The following DPYD variants were observed in gnomAD, a reference collection of about 807,000 sequenced individuals.
DPYD encodes the protein dihydropyrimidine dehydrogenase.
DPYD carries 109 observed loss-of-function variants against 116.2 expected under a neutral mutation model. That is an observed-to-expected ratio of 0.94 (90% CI 0.80 to 1.10). The LOEUF (loss-of-function observed/expected upper bound fraction) is 1.10, where lower values mean the gene tolerates loss of function less well. Ranked by LOEUF, DPYD falls within the 50% of genes least tolerant of loss-of-function variation. The pLI is 0.00. For synonymous variants in DPYD, 440 were observed against 432.0 expected, an observed-to-expected ratio of 1.02 and a Z score of -0.23; for missense variants, 1,302 against 1,254.5, an observed-to-expected ratio of 1.04 and a Z score of -0.57.
intron 20 of DPYD, among the ~76,000 whole-genome samples, chr1:97,136,042 C>T (rs1293301680): frequency 3.9e-5 from 6 of 152,180 alleles, no homozygotes; most frequent in Non-Finnish European, 8.8e-5. Context: ...GAGTTACTAT[C>T]ATTCCCAGAA....
chr1:97,496,192 C>A (rs1482321818), intron 13 of DPYD, among the ~76,000 whole-genome samples: 1 of 152,050 alleles, frequency 6.6e-6, no homozygotes, highest in Non-Finnish European at 1.5e-5. Flanking sequence ...CTACTTTACT[C>A]TCTTTTATAC....
intron 19 of DPYD, among the ~76,000 whole-genome samples, chr1:97,195,190 C>T (rs1271887900): frequency 6.6e-6 from 1 of 152,034 alleles, no homozygotes; most frequent in Non-Finnish European, 1.5e-5. Context: ...AATGAAACAA[C>T]CATTAAAACA....
chr1:97,565,879 A>G (rs1275009457), intron 11 of DPYD, among the ~76,000 whole-genome samples: 1 of 152,226 alleles, frequency 6.6e-6, no homozygotes, highest in Non-Finnish European at 1.5e-5. Context: ...TTAGAAATAC[A>G]AATGAAAAAT....
intron 3 of DPYD, among the ~76,000 whole-genome samples, chr1:97,742,747 A>G (rs1664337364): frequency 6.6e-6 from 1 of 152,158 alleles, no homozygotes; most frequent in South Asian, 2.1e-4. Flanking sequence ...AGTGGTTTGA[A>G]AGGATTTTCT....
chr1:97,264,162 G>GTTTTTTTTTT (rs71071641), intron 18 of DPYD, among the ~76,000 whole-genome samples: 3 of 60,076 alleles, frequency 5.0e-5, no homozygotes, highest in African/African-American at 4.9e-5. Flanking sequence ...GCAAAATTCT[G>GTTTTTTTTTT]TTTTTTTTTT....
intron 11 of DPYD, among the ~76,000 whole-genome samples, chr1:97,563,531 T>C (rs1373996795): frequency 6.6e-6 from 1 of 152,196 alleles, no homozygotes; most frequent in African/African-American, 2.4e-5. Context: ...TTGTATGTAA[T>C]CTTCAATTTG....
intron 14 of DPYD, among the ~76,000 whole-genome samples, chr1:97,408,259 C>T (rs1340704460): frequency 6.6e-6 from 1 of 152,140 alleles, no homozygotes; most frequent in African/African-American, 2.4e-5. Context: ...AGAAGGCAGT[C>T]ATCAATACCA....
At chr1:97,767,755 C>CATT (rs1553236054) in intron 3 of DPYD, among the ~76,000 whole-genome samples, 28 of 112,454 alleles carry the variant, frequency 2.5e-4, no homozygotes, top group Non-Finnish European at 3.8e-4. Context: ...TTGGGGCTGG[C>CATT]TTTTTTTTTT....
intron 3 of DPYD, among the ~76,000 whole-genome samples, chr1:97,814,939 A>AAGAAAGGAAGGAG (rs60906136): frequency 2.9e-5 from 3 of 102,672 alleles, no homozygotes; most frequent in African/African-American, 5.8e-5. Flanking sequence ...AGAGGAAAGA[A>AAGAAAGGAAGGAG]AGAAAGAAAG....
rs937755002 is a variant in DPYD, at chr1:97,679,305, C to A, written c.763-123G>T. ...CTATGAGATTCCATATAAAATGTGACAACATTTTTGTCTTTTAGTATATAG... is the reference window on the plus strand; with the variant it reads ...CTATGAGATTCCATATAAAATGTGAAAACATTTTTGTCTTTTAGTATATAG... On this transcript the variant is annotated intron_variant, in intron 7 of 22. Coordinates refer to ENST00000370192, the MANE Select transcript of DPYD (RefSeq NM_000110.4). 1.2e-5 allele frequency: 7 copies of A among 570,340 alleles called. No homozygotes were observed. In the East Asian group the frequency reaches 1.8e-4, roughly 15 times the overall value. The allele number at this position is 570,340 out of a possible 1,614,324, so 35.3% of individuals were successfully genotyped here.
At chr1:97,700,268 G>A (rs1404096200) in intron 5 of DPYD, 5 of 455,860 alleles carry the variant, frequency 1.1e-5, no homozygotes, top group South Asian at 6.2e-5. Flanking sequence ...AAACCAGAGA[G>A]ACACAGAGTT....
intron 3 of DPYD, among the ~76,000 whole-genome samples, chr1:97,795,675 G>A (rs1461120039): frequency 6.6e-6 from 1 of 151,478 alleles, no homozygotes; most frequent in African/African-American, 2.4e-5. Flanking sequence ...AAAAAATAAT[G>A]GACATACTAT....
intron 13 of DPYD, chr1:97,514,227 G>A (rs1648032600): frequency 2.0e-6 from 2 of 985,024 alleles, no homozygotes; most frequent in Non-Finnish European, 2.4e-6. Flanking sequence ...CTAGGTTACT[G>A]AAAGACACAG....
At chr1:97,851,277 G>A (rs1055301884) in intron 2 of DPYD, among the ~76,000 whole-genome samples, 1 of 128,462 alleles carries the variant, frequency 7.8e-6, no homozygotes, top group African/African-American at 3.0e-5. Context: ...TGTCACTTCT[G>A]TTGCCCTTTA....
At chr1:97,738,232 C>T (rs1664071895) in intron 4 of DPYD, among the ~76,000 whole-genome samples, 1 of 152,004 alleles carries the variant, frequency 6.6e-6, no homozygotes, top group Non-Finnish European at 1.5e-5. Flanking sequence ...AGAAATATAA[C>T]CCAGGATTCA....
rs1678681357 is a variant in DPYD, at chr1:97,487,087, A to AT, written c.1740+28638dup. ...AAGAAATAAAATGCTAAAACGATTAATTTTCTTAAACATGGATATTTATTT... is the reference window on the plus strand; with the variant it reads ...AAGAAATAAAATGCTAAAACGATTAATTTTTCTTAAACATGGATATTTATTT... On this transcript the variant is annotated intron_variant, in intron 13 of 22. Transcript: ENST00000370192. Among the ~76,000 whole-genome samples, 4 of 152,162 alleles carry AT rather than the reference A, an allele frequency of 2.6e-5. No individual in the cohort carries two copies. The South Asian group carries it at 8.3e-4, about 32-fold the overall frequency.
intron 20 of DPYD, among the ~76,000 whole-genome samples, chr1:97,191,492 T>C (rs1658361258): frequency 6.6e-6 from 1 of 152,168 alleles, no homozygotes; most frequent in Admixed American, 6.6e-5. Flanking sequence ...CTTACGATTT[T>C]GATGAAAGCT....
chr1:97,323,254 T>TTATATACATATGTGTATATGTACACGTA (rs1553254316), intron 16 of DPYD, among the ~76,000 whole-genome samples: 19 of 98,074 alleles, frequency 1.9e-4, no homozygotes, highest in Middle Eastern at 6.4e-3. Flanking sequence ...ATTTATATAC[T>TTATATACATATGTGTATATGTACACGTA]TATATACATA....
At chr1:97,623,812 A>T (rs553105422) in intron 8 of DPYD, among the ~76,000 whole-genome samples, 11 of 152,020 alleles carry the variant, frequency 7.2e-5, no homozygotes, top group Non-Finnish European at 1.5e-4. Context: ...AGAGTAGAGC[A>T]TCCAGAAATA....
Sources: allele counts gnomAD v4.1 joint callset (sites outside exome capture counted in the v4.1 genomes callset), GRCh38; gene constraint gnomAD v4.1.1; transcripts MANE v1.5; gene names NCBI Gene and HGNC (gene_info 2026-07-23, HGNC 2026-07-21).